Variants in GPATCH2 observed in about 807,000 individuals in gnomAD.
GPATCH2 encodes the protein G patch domain-containing protein 2.
GPATCH2 carries 51 observed loss-of-function variants against 58.0 expected under a neutral mutation model. That is an observed-to-expected ratio of 0.88 (90% CI 0.70 to 1.11). The LOEUF is 1.11. Among genes scored for constraint, GPATCH2 ranks in the 50% most tolerant of loss-of-function variants. The pLI, the probability that GPATCH2 is intolerant of heterozygous loss-of-function variation, is 0.00. For missense variants in GPATCH2, 625 were observed against 652.2 expected (o/e 0.96, Z 0.45); for synonymous variants, 222 against 218.5 (o/e 1.02, Z -0.14).
intron 9 of GPATCH2, among the ~76,000 whole-genome samples, chr1:217,444,319 G>A (rs1177552470): frequency 6.6e-6 from 1 of 152,118 alleles, no homozygotes; most frequent in Non-Finnish European, 1.5e-5. Context: ...GGGAACTAAC[G>A]AACATGCCTT....
intron 5 of GPATCH2, among the ~76,000 whole-genome samples, chr1:217,550,903 T>C (rs975048149): frequency 6.6e-6 from 1 of 150,626 alleles, no homozygotes; most frequent in East Asian, 1.9e-4. Flanking sequence ...AGGCATGCAA[T>C]AATTAAGATA....
At chr1:217,531,855 G>A (rs1488679463) in intron 5 of GPATCH2, among the ~76,000 whole-genome samples, 1 of 152,154 alleles carries the variant, frequency 6.6e-6, no homozygotes, top group Non-Finnish European at 1.5e-5. Flanking sequence ...TATCATATGT[G>A]CTTACAAACC....
In GPATCH2 at chr1:217,620,514, G is replaced by A. The variant is rs146690782; in HGVS notation, c.57-15C>T. 8 of 1,497,976 alleles carry A rather than the reference G, an allele frequency of 5.3e-6. No individual in the cohort carries two copies. The Admixed American group carries it at 9.9e-5, about 18-fold the overall frequency. The allele number at this position is 1,497,976 out of a possible 1,614,324, so 92.8% of individuals were successfully genotyped here. The stretch of plus-strand genomic sequence containing the variant: ...TACTGAAATGCCTTCATTTTTTAGA[G>A]AAAGAAAAAAGAAAATAGTCAGTCT... On this transcript the variant is annotated splice_polypyrimidine_tract_variant and intron_variant, in intron 1 of 9. Coordinates refer to ENST00000366935, the MANE Select transcript of GPATCH2 (RefSeq NM_018040.5).
chr1:217,438,890 C>T (rs543529347), intron 9 of GPATCH2, among the ~76,000 whole-genome samples: 1 of 152,258 alleles, frequency 6.6e-6, no homozygotes, highest in South Asian at 2.1e-4. Context: ...TAGAGACCTA[C>T]AAAGAGACTT....
At chr1:217,615,508 T>C (rs983839361) in intron 2 of GPATCH2, among the ~76,000 whole-genome samples, 1 of 152,132 alleles carries the variant, frequency 6.6e-6, no homozygotes, top group African/African-American at 2.4e-5. Context: ...CCTCAGAAAC[T>C]ATCTTTCTGA....
chr1:217,520,793 T>A (rs1034345289), intron 5 of GPATCH2, among the ~76,000 whole-genome samples: 2 of 152,222 alleles, frequency 1.3e-5, no homozygotes, highest in African/African-American at 4.8e-5. Flanking sequence ...ATTTCTATTG[T>A]CATTAATAAT....
chr1:217,537,171 G>A (rs747516449), intron 5 of GPATCH2, among the ~76,000 whole-genome samples: 1 of 152,052 alleles, frequency 6.6e-6, no homozygotes, highest in Non-Finnish European at 1.5e-5. Flanking sequence ...CAAAGAAAAG[G>A]AGTCCTTTTC....
At chr1:217,538,495 T>G (rs1383260533) in intron 5 of GPATCH2, among the ~76,000 whole-genome samples, 1 of 152,216 alleles carries the variant, frequency 6.6e-6, no homozygotes, top group Non-Finnish European at 1.5e-5. Flanking sequence ...TCACCAGATT[T>G]TATGGGGAAA....
intron 5 of GPATCH2, among the ~76,000 whole-genome samples, chr1:217,575,856 A>G (rs11811538): frequency 0.033 from 5,040 of 152,206 alleles, 282 homozygotes; most frequent in African/African-American, 0.11. Context: ...TTTTTAGCCC[A>G]TTGTTCCTAC....
intron 5 of GPATCH2, among the ~76,000 whole-genome samples, chr1:217,564,112 G>C (rs1666079746): frequency 7.2e-6 from 1 of 139,664 alleles, no homozygotes; most frequent in Admixed American, 7.1e-5. Context: ...AGAATAATTT[G>C]AAGACAGAAA....
chr1:217,532,902 T>G (rs199852912), intron 5 of GPATCH2, among the ~76,000 whole-genome samples: 10 of 11,778 alleles, frequency 8.5e-4, no homozygotes, highest in East Asian at 0.014. Flanking sequence ...TTTTTTTTGT[T>G]TTTTTTTTTT....
intron 5 of GPATCH2, among the ~76,000 whole-genome samples, chr1:217,541,142 G>A (rs996482789): frequency 6.6e-6 from 1 of 152,112 alleles, no homozygotes; most frequent in Non-Finnish European, 1.5e-5. Flanking sequence ...TAAGGTCCGT[G>A]AGCTCCTTTT....
At position 217,443,779 on chromosome 1, in the gene GPATCH2, A is replaced by G. The variant is rs546583495; in HGVS notation, c.1366+5470T>C. On this transcript the variant is annotated intron_variant, in intron 9 of 9. Coordinates refer to ENST00000366935, the MANE Select transcript of GPATCH2 (RefSeq NM_018040.5). ...CTCGCCTAAAATTCAGTGTCTTTTCAGCTGTATCTAATCTGTCATATAACC... is the reference window on the plus strand; with the variant it reads ...CTCGCCTAAAATTCAGTGTCTTTTCGGCTGTATCTAATCTGTCATATAACC... Among the ~76,000 whole-genome samples, 3 of 152,284 alleles carry G rather than the reference A, an allele frequency of 2.0e-5. No homozygotes were observed. In the East Asian group the frequency reaches 5.8e-4, roughly 29 times the overall value.
intron 5 of GPATCH2, among the ~76,000 whole-genome samples, chr1:217,570,610 T>C (rs950048171): frequency 6.6e-6 from 1 of 152,152 alleles, no homozygotes; most frequent in Non-Finnish European, 1.5e-5. Context: ...TATATTTCCT[T>C]TGTAGCTATA....
chr1:217,545,147 G>A (rs1410870912), intron 5 of GPATCH2, among the ~76,000 whole-genome samples: 2 of 152,172 alleles, frequency 1.3e-5, no homozygotes, highest in Non-Finnish European at 2.9e-5. Flanking sequence ...CCAACTTCCT[G>A]GAAGAACGGT....
At chr1:217,488,861 A>T (rs929165947) in intron 8 of GPATCH2, among the ~76,000 whole-genome samples, 28 of 143,900 alleles carry the variant, frequency 1.9e-4, no homozygotes, top group Admixed American at 9.7e-4. Context: ...ACTATTTAAA[A>T]TTTTTTTTTT....
intron 5 of GPATCH2, among the ~76,000 whole-genome samples, chr1:217,607,491 G>T (rs971584060): frequency 2.0e-5 from 3 of 152,112 alleles, no homozygotes; most frequent in African/African-American, 7.2e-5. Context: ...ATAGAGAAAA[G>T]ACTTGATAAG....
chr1:217,581,740 C>T (rs1194526952), intron 5 of GPATCH2, among the ~76,000 whole-genome samples: 2 of 152,136 alleles, frequency 1.3e-5, no homozygotes, highest in African/African-American at 4.8e-5. Context: ...ATCACGAGGT[C>T]AGGAGTTCGA....
chr1:217,596,207 GAAT>G (rs1667820738), intron 5 of GPATCH2, among the ~76,000 whole-genome samples: 2 of 152,170 alleles, frequency 1.3e-5, no homozygotes, highest in Admixed American at 6.5e-5. Context: ...ACCAAACTCA[GAAT>G]AATGACTTGC....
Sources: gnomAD v4.1 joint callset for allele counts (sites outside exome capture counted in the v4.1 genomes callset) on GRCh38, gnomAD v4.1.1 for gene constraint, MANE v1.5 for transcripts, NCBI Gene and HGNC (gene_info 2026-07-23, HGNC 2026-07-21) for gene names.